Variants in CD34 observed in about 807,000 individuals in gnomAD.
CD34 encodes CD34 molecule, also known as hematopoietic progenitor cell antigen CD34.
CD34 carries 34 observed loss-of-function variants against 40.1 expected under a neutral mutation model. The observed-to-expected ratio is 0.85, with a 90% CI of 0.65 to 1.13. The LOEUF is 1.13. Ranked by LOEUF, CD34 falls within the 50% of genes most tolerant of loss-of-function variation. CD34 has a pLI of 0.00. For missense variants in CD34, 426 were observed against 466.9 expected (o/e 0.91, Z 0.81); for synonymous variants, 209 against 190.0 (o/e 1.10, Z -0.82).
chr1:207,905,698 C>T (rs1662361957), intron 1 of CD34, among the ~76,000 whole-genome samples: 1 of 152,156 alleles, frequency 6.6e-6, no homozygotes, highest in African/African-American at 2.4e-5. Context: ...TTTTTGAGTG[C>T]CAACATGATG....
rs1007156233 is a variant in CD34 at position 207,910,975 on chromosome 1, C to A, written c.79+27G>T. ...CCACCCTCCCCGCGGCGAAGCCAAG[C>A]GGCCGCGGCGCGCGGGCGGTACTCA... On this transcript the variant is annotated intron_variant, in intron 1 of 7. Coordinates refer to ENST00000310833, the MANE Select transcript of CD34 (RefSeq NM_001025109.2). The A allele has an allele frequency of 5.1e-6, 8 of 1,555,692 alleles. No homozygotes were observed. In the East Asian group the frequency reaches 1.6e-4, roughly 32 times the overall value.
In CD34 at chr1:207,901,753, T is replaced by C. The variant is rs191299165; in HGVS notation, c.80-1750A>G. On this transcript the variant is annotated intron_variant, in intron 1 of 7. Transcript: ENST00000310833. ...AACCTTGAAATGTTTAGAAATATAG[T>C]ATGTAGGCCTCTGTTGTACTCTTGC... Among the ~76,000 whole-genome samples, 46 of 152,302 alleles carry C rather than the reference T, an allele frequency of 3.0e-4. No individual in the cohort carries two copies. The East Asian group carries it at 8.5e-3, about 28-fold the overall frequency.
rs774075758 is a variant in CD34, at chr1:207,889,740, T to C, written c.598-119A>G. On this transcript the variant is annotated intron_variant, in intron 4 of 7. Coordinates refer to ENST00000310833, the MANE Select transcript of CD34 (RefSeq NM_001025109.2). Reference sequence around the variant, plus strand: ...CCCGTCCGCAAGAAGGATCCTTGTTTCTAAAATTCCAACAGAAAAAAAAAA... The same window carrying C: ...CCCGTCCGCAAGAAGGATCCTTGTTCCTAAAATTCCAACAGAAAAAAAAAA... 88 of 1,574,230 alleles carry C rather than the reference T, an allele frequency of 5.6e-5. 1 individual carries two copies. In the South Asian group the frequency reaches 1.0e-3, roughly 19 times the overall value.
chr1:207,889,026 G>A (rs1661971314), intron 6 of CD34, 135 bp downstream of exon 6: 1 of 878,510 alleles, frequency 1.1e-6, no homozygotes. Flanking sequence ...ACCATTTTTG[G>A]TTCAAGACTA....
chr1:207,883,249 C>T lies in CD34; in HGVS notation c.*4489G>A, dbSNP rs1165447961. The T allele has an allele frequency of 6.6e-6, 1 of 152,216 alleles. No individual in the cohort carries two copies. The highest frequency in any genetic ancestry group is 2.4e-5 in the African/African-American group (1 of 41,452). 9.4% of individuals were successfully genotyped at this position (152,216 alleles called of 1,614,324 possible). On this transcript the variant is annotated 3_prime_UTR_variant, in exon 8 of 8. Transcript: ENST00000310833. ...AGTACCTTATCTTTCCCCATCACTA[C>T]ATATTGTATGTACTCTTCTATCAGT...
intron 4 of CD34, among the ~76,000 whole-genome samples, chr1:207,894,204 G>C (rs754712277): frequency 6.6e-6 from 1 of 152,302 alleles, no homozygotes; most frequent in East Asian, 1.9e-4. Context: ...ACTTACAATG[G>C]AATATCATTC....
At chr1:207,888,217 G>T in intron 7 of CD34, 2 of 1,262,310 alleles carry the variant, frequency 1.6e-6, no homozygotes, top group Non-Finnish European at 2.3e-6. Context: ...AGGGTGGGAT[G>T]ACCTCCCCAG....
chr1:207,906,660 T>C (rs544225891), intron 1 of CD34, among the ~76,000 whole-genome samples: 8 of 152,096 alleles, frequency 5.3e-5, no homozygotes, highest in African/African-American at 1.2e-4. Flanking sequence ...GCCTGACCAA[T>C]ATAGAGAAAA....
chr1:207,886,349 T>C lies in CD34; in HGVS notation c.*1389A>G, dbSNP rs957619480. The C allele has an allele frequency of 3.3e-5, 5 of 152,150 alleles. No individual in the cohort carries two copies. The highest frequency in any genetic ancestry group is 9.7e-5 in the African/African-American group (4 of 41,420). 9.4% of individuals were successfully genotyped at this position (152,150 alleles called of 1,614,324 possible). On this transcript the variant is annotated 3_prime_UTR_variant, in exon 8 of 8. Coordinates refer to ENST00000310833, the MANE Select transcript of CD34 (RefSeq NM_001025109.2). ...TGGAAATGGATGTTTCCTCTCCCCA[T>C]GGAGGAGAATAGTTGGCAGACTTGG...
chr1:207,907,681 T>A lies in CD34; in HGVS notation c.79+3321A>T, dbSNP rs546023514. Among the ~76,000 whole-genome samples the A allele has an allele frequency of 5.3e-5, 8 of 152,344 alleles. No individual in the cohort carries two copies. In the South Asian group the frequency reaches 1.7e-3, roughly 32 times the overall value. Reference sequence around the variant, plus strand: ...ACTAAGAAGTACACCTTTATATGCATCCCTATTTGTTTGTCTCTCCATCTT... The same window carrying A: ...ACTAAGAAGTACACCTTTATATGCAACCCTATTTGTTTGTCTCTCCATCTT... On this transcript the variant is annotated intron_variant, in intron 1 of 7. Transcript: ENST00000310833.
At chr1:207,907,141 G>A (rs936107699) in intron 1 of CD34, among the ~76,000 whole-genome samples, 8 of 152,138 alleles carry the variant, frequency 5.3e-5, no homozygotes, top group African/African-American at 1.9e-4. Flanking sequence ...TTACTGAAAG[G>A]TTGAGGGCAT....
intron 7 of CD34, 111 bp from the exon 8 acceptor site, chr1:207,888,034 G>A (rs374906492): frequency 6.3e-7 from 1 of 1,576,090 alleles, no homozygotes; most frequent in African/African-American, 1.3e-5. Flanking sequence ...AAGGGGGAGG[G>A]GGAGGTGGGA....
intron 4 of CD34, chr1:207,890,295 T>A (rs909716715): frequency 2.1e-6 from 2 of 948,964 alleles, no homozygotes; most frequent in Admixed American, 6.1e-5. Context: ...AATTCTTCAA[T>A]AGTGAGTCAG....
At position 207,907,808 on chromosome 1, in the gene CD34, G is replaced by A. The variant is rs528418040; in HGVS notation, c.79+3194C>T. On this transcript the variant is annotated intron_variant, in intron 1 of 7. Coordinates refer to ENST00000310833, the MANE Select transcript of CD34 (RefSeq NM_001025109.2). ...TTATTAGCTAAGGAGGGAAGAGAAT[G>A]TTCTCATTAGAGAAGTCCAAGCCCA... is the stretch of plus-strand genomic sequence containing the variant. 1.7e-4 allele frequency among the ~76,000 whole-genome samples: 26 copies of A among 152,288 alleles called. No individual in the cohort carries two copies. In the South Asian group the frequency reaches 5.4e-3, roughly 32 times the overall value.
chr1:207,906,989 A>G (rs1422910962), intron 1 of CD34, among the ~76,000 whole-genome samples: 2 of 151,546 alleles, frequency 1.3e-5, no homozygotes, highest in Non-Finnish European at 2.9e-5. Context: ...AGCACCACAG[A>G]CTCCTGGGTT....
rs114807350 is a variant in CD34, at chr1:207,881,219, T to A, written c.*6519A>T. The A allele has an allele frequency of 6.6e-6, 1 of 152,212 alleles. No homozygotes were observed. Among genetic ancestry groups the A allele is most frequent in the Non-Finnish European group, 1.5e-5 (1 of 68,050 alleles). 9.4% of individuals were successfully genotyped at this position (152,212 alleles called of 1,614,324 possible). ...GGGGGTTCCCTAAAACATTTCCAAG[T>A]GGTCTCTGAGGTCAAAACAATTTGA... On this transcript the variant is annotated 3_prime_UTR_variant, in exon 8 of 8. Coordinates refer to ENST00000310833, the MANE Select transcript of CD34 (RefSeq NM_001025109.2).
intron 1 of CD34, among the ~76,000 whole-genome samples, chr1:207,907,993 T>C (rs1054916252): frequency 6.6e-6 from 1 of 152,186 alleles, no homozygotes; most frequent in African/African-American, 2.4e-5. Context: ...CCCAAGTACC[T>C]GAGAGTGGAG....
chr1:207,910,970 C>T (rs1314601170), intron 1 of CD34, 32 bp downstream of exon 1: 3 of 1,552,266 alleles, frequency 1.9e-6, no homozygotes, highest in Non-Finnish European at 2.6e-6. Context: ...CGCGGCGAAG[C>T]CAAGCGGCCG....
rs1558117332 is a variant in CD34 at position 207,888,769 on chromosome 1, G to A, written c.885C>T (p.Val295=). The change falls in exon 7 of 8, where the codon GTC becomes GTT. Residue 295 remains valine, a synonymous_variant. Transcript: ENST00000310833. ...SYSQKTLIAL[V]TSGALLAVLG... Reference sequence around the variant, plus strand: ...AGACAGCCAGCAGGGCTCCCGAGGTGACCAGTGCAATCAGGGTCTTTTGGG... The same window carrying A: ...AGACAGCCAGCAGGGCTCCCGAGGTAACCAGTGCAATCAGGGTCTTTTGGG... 3.1e-6 allele frequency: 5 copies of A among 1,614,144 alleles called. No homozygotes were observed. Among genetic ancestry groups the A allele is most frequent in the African/African-American group, 1.3e-5 (1 of 75,046 alleles).
Sources: allele counts gnomAD v4.1 joint callset (sites outside exome capture counted in the v4.1 genomes callset), GRCh38; gene constraint gnomAD v4.1.1; transcripts MANE v1.5; gene names NCBI Gene and HGNC (gene_info 2026-07-23, HGNC 2026-07-21).